Variants in CLASP2 observed in about 807,000 individuals in gnomAD.
CLASP2 encodes the protein CLIP-associating protein 2.
A neutral mutation model predicts 194.4 loss-of-function variants in CLASP2; 47 were observed. The ratio of observed to expected loss-of-function variants is 0.24; its 90% CI spans 0.19 to 0.31. The LOEUF (loss-of-function observed/expected upper bound fraction) is 0.31. Among genes scored for constraint, CLASP2 ranks in the 10% least tolerant of loss-of-function variants. The pLI is 1.00. For missense variants in CLASP2, 1,445 were observed against 1,823.6 expected, an observed-to-expected ratio of 0.79 and a Z score of 3.78; for synonymous variants, 619 against 633.5, an observed-to-expected ratio of 0.98 and a Z score of 0.34.
At chr3:33,549,631 C>T (rs775197982) in intron 30 of CLASP2, among the ~76,000 whole-genome samples, 6 of 151,994 alleles carry the variant, frequency 3.9e-5, no homozygotes, top group African/African-American at 1.2e-4. Flanking sequence ...CATGGCCTAG[C>T]GTGCAGAATG....
chr3:33,531,496 C>G (rs1278133228), intron 34 of CLASP2, among the ~76,000 whole-genome samples: 1 of 152,158 alleles, frequency 6.6e-6, no homozygotes, highest in Non-Finnish European at 1.5e-5. Flanking sequence ...ACAATGACGG[C>G]CAGGTGCAAC....
intron 36 of CLASP2, among the ~76,000 whole-genome samples, chr3:33,513,098 A>G (rs754821405): frequency 6.6e-6 from 1 of 152,242 alleles, no homozygotes; most frequent in Admixed American, 6.5e-5. Flanking sequence ...TGTCAATTTT[A>G]TATTTTGTAG....
At chr3:33,559,065 G>A (rs1387768760) in intron 29 of CLASP2, 3 of 588,170 alleles carry the variant, frequency 5.1e-6, no homozygotes, top group African/African-American at 3.7e-5. Context: ...GAATACAGAT[G>A]CAAACACTGC....
At chr3:33,564,818 G>A (rs1041174318) in intron 27 of CLASP2, among the ~76,000 whole-genome samples, 2 of 152,028 alleles carry the variant, frequency 1.3e-5, no homozygotes, top group Non-Finnish European at 2.9e-5. Context: ...TTGAACTCCT[G>A]GCCTTAAGCA....
Position 33,688,349 on chromosome 3 carries a change from G to A in CLASP2, c.398C>T (p.Ala133Val). The A allele has an allele frequency of 6.3e-7, 1 of 1,589,414 alleles. No homozygotes were observed. The highest frequency in any genetic ancestry group is 8.6e-7 in the Non-Finnish European group (1 of 1,166,912). ...APPMYIWEQL[A>V]SGFKHKNFRS... ...AAAATTCTTGTGTTTAAAACCAGAA[G>A]CCAACTGCTCCCAAATGTACTATTT... The change falls in exon 4 of 39, where the codon GCT (alanine) becomes GTT (valine). Residue 133 changes from alanine to valine, a missense_variant. Ala to Val is a moderately conservative substitution (Grantham distance 64). Transcript: ENST00000682230.
At chr3:33,585,075 A>G (rs539189879) in intron 21 of CLASP2, among the ~76,000 whole-genome samples, 155 bp from the exon 22 acceptor site, 1 of 152,342 alleles carries the variant, frequency 6.6e-6, no homozygotes. Flanking sequence ...AGATTTAAAT[A>G]TAATTATAAC....
chr3:33,623,914 C>T (rs1018283802), intron 10 of CLASP2, among the ~76,000 whole-genome samples: 3 of 152,108 alleles, frequency 2.0e-5, no homozygotes, highest in African/African-American at 7.2e-5. Flanking sequence ...CAGCCAATAT[C>T]CTACTGAACA....
intron 34 of CLASP2, among the ~76,000 whole-genome samples, chr3:33,526,196 C>T (rs76067981): frequency 0.064 from 9,675 of 151,718 alleles, 975 homozygotes; most frequent in African/African-American, 0.22. Flanking sequence ...TGGTCTTGAA[C>T]TCCTGGTGTC....
intron 35 of CLASP2, among the ~76,000 whole-genome samples, 180 bp from the exon 36 acceptor site, chr3:33,516,331 T>C (rs1174518559): frequency 6.6e-6 from 1 of 152,232 alleles, no homozygotes; most frequent in Non-Finnish European, 1.5e-5. Context: ...ATATTATACT[T>C]ATTTTATTTG....
Position 33,584,825 on chromosome 3 carries a change from A to G in CLASP2, c.2164T>C (p.Ser722Pro). ...GVQRVLVNSA[S>P]AQKRSKIPRS... ...GGTATCTTGCTTCTTTTTTGTGCTG[A>G]GGCTGAATTGACCAGGACTCTTTGA... The change falls in exon 22 of 39, where the codon TCA becomes CCA. Residue 722 changes from serine (S) to proline (P), a missense_variant. Transcript: ENST00000682230. 6.2e-7 allele frequency: 1 copy of G among 1,613,348 alleles called. No homozygotes were observed. Among genetic ancestry groups the G allele is most frequent in the Non-Finnish European group, 8.5e-7 (1 of 1,179,788 alleles).
Position 33,602,935 on chromosome 3 carries a change from A to G in CLASP2, c.1924+17T>C. 5 of 1,601,648 alleles carry G rather than the reference A, an allele frequency of 3.1e-6. No individual in the cohort carries two copies. The highest frequency in any genetic ancestry group is 4.3e-6 in the Non-Finnish European group (5 of 1,173,248). ...GGGAGAGAACATGGTACAATTTTCC[A>G]TAATCAGTTCTCTTACCTAGTGACG... On this transcript the variant is annotated intron_variant, in intron 18 of 38. Transcript: ENST00000682230.
At chr3:33,610,732 A>G (rs2074994179) in intron 13 of CLASP2, among the ~76,000 whole-genome samples, 1 of 152,140 alleles carries the variant, frequency 6.6e-6, no homozygotes, top group Non-Finnish European at 1.5e-5. Context: ...CCCCCTTAGC[A>G]TGTGTAGGCT....
At chr3:33,632,554 C>G (rs1482622424) in intron 8 of CLASP2, among the ~76,000 whole-genome samples, 183 bp from the exon 9 acceptor site, 1 of 152,140 alleles carries the variant, frequency 6.6e-6, no homozygotes, top group Non-Finnish European at 1.5e-5. Flanking sequence ...CTTTGTAATG[C>G]CGATTCATTA....
At chr3:33,711,931 T>C (rs1391211647) in intron 1 of CLASP2, among the ~76,000 whole-genome samples, 1 of 152,086 alleles carries the variant, frequency 6.6e-6, no homozygotes, top group Non-Finnish European at 1.5e-5. Flanking sequence ...ACTGCTGGTG[T>C]CCACTCTGAA....
At chr3:33,537,862 T>C (rs940759512) in intron 33 of CLASP2, among the ~76,000 whole-genome samples, 1 of 151,780 alleles carries the variant, frequency 6.6e-6, no homozygotes, top group Non-Finnish European at 1.5e-5. Flanking sequence ...TCAATGTGGG[T>C]CGGGCGCAGT....
At chr3:33,640,108 C>G (rs1380076307) in intron 8 of CLASP2, among the ~76,000 whole-genome samples, 1 of 152,014 alleles carries the variant, frequency 6.6e-6, no homozygotes, top group African/African-American at 2.4e-5. Flanking sequence ...GAAACCAAAA[C>G]CAAAACACAG....
chr3:33,596,568 T>G (rs1391077599), intron 19 of CLASP2, 143 bp downstream of exon 19: 2 of 719,528 alleles, frequency 2.8e-6, no homozygotes, highest in African/African-American at 3.6e-5. Flanking sequence ...CAGAGAATTA[T>G]GTAGCCATTT....
chr3:33,675,846 G>C (rs1211723367), intron 6 of CLASP2, among the ~76,000 whole-genome samples: 2 of 146,210 alleles, frequency 1.4e-5, no homozygotes, highest in Non-Finnish European at 3.0e-5. Flanking sequence ...GCTTCCAAGA[G>C]AATAAAATAC....
chr3:33,513,983 A>G (rs1256463447), intron 36 of CLASP2, among the ~76,000 whole-genome samples: 1 of 151,834 alleles, frequency 6.6e-6, no homozygotes, highest in Non-Finnish European at 1.5e-5. Context: ...ATTTCCTTTG[A>G]TTTTTTATTT....
Sources: allele counts gnomAD v4.1 joint callset (sites outside exome capture counted in the v4.1 genomes callset), GRCh38; gene constraint gnomAD v4.1.1; transcripts MANE v1.5; gene names NCBI Gene and HGNC (gene_info 2026-07-23, HGNC 2026-07-21).